DGCR8: variants seen among roughly 807,000 people sequenced by gnomAD.
DGCR8 encodes DGCR8 microprocessor complex subunit, also known as microprocessor complex subunit DGCR8.
A neutral mutation model predicts 78.5 loss-of-function variants in DGCR8; 14 were observed. The ratio of observed to expected loss-of-function variants is 0.18; its 90% CI spans 0.12 to 0.28. The LOEUF (loss-of-function observed/expected upper bound fraction) is 0.28, where lower values mean the gene tolerates loss of function less well. DGCR8 is among the 10% of genes least tolerant of loss of function. The pLI is 1.00. For missense variants in DGCR8, 702 were observed against 1,022.5 expected, an observed-to-expected ratio of 0.69 and a Z score of 4.28; for synonymous variants, 399 against 402.4, an observed-to-expected ratio of 0.99 and a Z score of 0.10.
At chr22:20,103,068 G>A (rs566831784) in intron 9 of DGCR8, among the ~76,000 whole-genome samples, 4 of 152,076 alleles carry the variant, frequency 2.6e-5, no homozygotes, top group African/African-American at 9.6e-5. Flanking sequence ...GGAGGCGGAA[G>A]GTGAGGTGGC....
At chr22:20,107,632 TG>T in intron 12 of DGCR8, 3 of 549,216 alleles carry the variant, frequency 5.5e-6, no homozygotes, top group Non-Finnish European at 9.8e-6. Context: ...GAACGCAGGC[TG>T]GGCCCAGCTA....
intron 7 of DGCR8, 105 bp downstream of exon 7, chr22:20,092,075 G>C: frequency 1.1e-6 from 1 of 887,954 alleles, no homozygotes; most frequent in South Asian, 1.5e-5. Flanking sequence ...TACTGGAACG[G>C]GAGGAAAGGG....
Position 20,107,290 on chromosome 22 carries a change from A to G in DGCR8, c.2016A>G (p.Gly672=). The G allele has an allele frequency of 6.2e-7, 1 of 1,614,136 alleles. No homozygotes were observed. Among genetic ancestry groups the G allele is most frequent in the Non-Finnish European group, 8.5e-7 (1 of 1,180,000 alleles). ...VRGWCKNKRV[G]KQLASQKILQ... ...GTGTAGGTAAGAACAAGAGAGTTGG[A>G]AAGCAGTTAGCCTCACAGAAGATCC... The change falls in exon 12 of 14, where the codon GGA becomes GGG. Residue 672 remains glycine (G), a synonymous_variant. Coordinates refer to ENST00000351989, the MANE Select transcript of DGCR8 (RefSeq NM_022720.7).
At position 20,110,861 on chromosome 22, in the gene DGCR8, T is replaced by C. The variant is rs569220276; in HGVS notation, c.*753T>C. The C allele has an allele frequency of 4.1e-6, 1 of 242,050 alleles. No homozygotes were observed. Among genetic ancestry groups the C allele is most frequent in the African/African-American group, 2.2e-5 (1 of 44,864 alleles). The allele number at this position is 242,050 out of a possible 1,614,324, so 15.0% of individuals were successfully genotyped here. The stretch of plus-strand genomic sequence containing the variant: ...TCCCTAAAAGCGCCTCTTTGGACAC[T>C]GAGGCCCTCTCTGCCTTTCCTGGCC... On this transcript the variant is annotated 3_prime_UTR_variant, in exon 14 of 14. Transcript: ENST00000351989.
chr22:20,090,416 C>CCTTGCAAGAACCTGCTGGGT (rs2049541810), intron 5 of DGCR8, among the ~76,000 whole-genome samples, 158 bp downstream of exon 5: 1 of 152,230 alleles, frequency 6.6e-6, no homozygotes, highest in Non-Finnish European at 1.5e-5. Context: ...GTCTTCCTGT[C>CCTTGCAAGAACCTGCTGGGT]CTTGCAAGAA....
At chr22:20,094,459 G>A (rs1384808679) in intron 8 of DGCR8, among the ~76,000 whole-genome samples, 2 of 152,202 alleles carry the variant, frequency 1.3e-5, no homozygotes, top group African/African-American at 4.8e-5. Context: ...GCTCCTCCCT[G>A]CCTGCTCCCA....
Position 20,085,562 on chromosome 22 carries a change from C to T in DGCR8, c.-277-125C>T. Reference sequence around the variant, plus strand: ...TAGTTTGTTTTGATGCCTAAAAAGTCCTCTTAGGGAATATTATTTTGAAGC... The same window carrying T: ...TAGTTTGTTTTGATGCCTAAAAAGTTCTCTTAGGGAATATTATTTTGAAGC... On this transcript the variant is annotated intron_variant, in intron 1 of 13. Transcript: ENST00000351989. The surrounding 1 kb of genome is among the most constrained non-coding windows in gnomAD (Gnocchi z 6.2). 4.1e-6 allele frequency: 3 copies of T among 724,544 alleles called. No homozygotes were observed. The highest frequency in any genetic ancestry group is 5.7e-6 in the Non-Finnish European group (3 of 525,734). The allele number at this position is 724,544 out of a possible 1,614,324, so 44.9% of individuals were successfully genotyped here.
intron 9 of DGCR8, among the ~76,000 whole-genome samples, chr22:20,100,076 C>CT (rs913576334): frequency 9.3e-5 from 14 of 151,238 alleles, no homozygotes; most frequent in South Asian, 8.4e-4. Context: ...ACATTTGTCC[C>CT]TTTTTTTTTG....
chr22:20,088,362 A>G (rs371250167), intron 3 of DGCR8, among the ~76,000 whole-genome samples: 1 of 152,128 alleles, frequency 6.6e-6, no homozygotes. Flanking sequence ...GTAAACCCAC[A>G]TTCGTCCTGC....
intron 7 of DGCR8, 65 bp from the exon 8 acceptor site, chr22:20,092,744 A>G: frequency 7.1e-7 from 1 of 1,411,278 alleles, no homozygotes; most frequent in Non-Finnish European, 9.9e-7. Context: ...CGGTGTGGGC[A>G]GACTGTGCAC....
chr22:20,100,483 G>C, intron 9 of DGCR8: 1 of 985,370 alleles, frequency 1.0e-6, no homozygotes, highest in African/African-American at 1.7e-5. Flanking sequence ...CTTAGTATGG[G>C]TTGCTGCAGA....
At position 20,090,064 on chromosome 22, in the gene DGCR8, C is replaced by T. The variant is rs1244340402; in HGVS notation, c.1112C>T (p.Thr371Ile). Residue 371 changes from threonine to isoleucine, a missense_variant, in exon 5 of 14, where the codon ACC becomes ATC. By Grantham distance (89) the Thr-to-Ile change is moderately conservative (BLOSUM62 -1). Coordinates refer to ENST00000351989, the MANE Select transcript of DGCR8 (RefSeq NM_022720.7). ...GAACGGGAGCAAAGCAGTGACCTCA[C>T]CCCTAGTGGGGATGTGTCCCCCGTC... ...NEEREQSSDL[T>I]PSGDVSPVKP... The T allele has an allele frequency of 6.2e-7, 1 of 1,614,106 alleles. No individual in the cohort carries two copies. The highest frequency in any genetic ancestry group is 8.5e-7 in the Non-Finnish European group (1 of 1,180,058).
chr22:20,100,406 T>A, intron 9 of DGCR8: 1 of 985,366 alleles, frequency 1.0e-6, no homozygotes, highest in Non-Finnish European at 1.2e-6. Context: ...GTGGGAAATA[T>A]GGCTCCCAGG....
chr22:20,106,301 C>G lies in DGCR8; in HGVS notation c.1889+24C>G, dbSNP rs367909919. The G allele has an allele frequency of 1.3e-5, 20 of 1,583,474 alleles. 1 individual carries two copies. In the South Asian group the frequency reaches 2.2e-4, roughly 18 times the overall value. On this transcript the variant is annotated intron_variant, in intron 10 of 13. Coordinates refer to ENST00000351989, the MANE Select transcript of DGCR8 (RefSeq NM_022720.7). ...AGGTAGGGTAGGGGGGTGCCTCCCCCCATGAGTCAGGTCGGGGGAGCTCCT... is the reference window on the plus strand; with the variant it reads ...AGGTAGGGTAGGGGGGTGCCTCCCCGCATGAGTCAGGTCGGGGGAGCTCCT...
rs1275337012 is a variant in DGCR8 at position 20,108,998 on chromosome 22, G to A, written c.2233G>A (p.Glu745Lys). Residue 745 changes from glutamate (E) to lysine (K), a missense_variant, in exon 13 of 14, where the codon GAA (glutamate) becomes AAA (lysine). Physicochemically the swap from Glu to Lys is moderately conservative, Grantham distance 56 (BLOSUM62 1). Transcript: ENST00000351989. ...LQEEMKRLAEEREETRKKPKM... is the reference protein window; with the variant it reads ...LQEEMKRLAEKREETRKKPKM... ...AGAGGAGATGAAGAGGCTAGCTGAG[G>A]AAAGGGTGAGTGCCACCCTAGCGGG... is the stretch of plus-strand genomic sequence containing the variant. 1.9e-6 allele frequency: 3 copies of A among 1,573,598 alleles called. No individual in the cohort carries two copies. The highest frequency in any genetic ancestry group is 1.4e-5 in the African/African-American group (1 of 74,066).
intron 9 of DGCR8, chr22:20,100,215 C>T (rs931655182): frequency 5.5e-5 from 19 of 344,730 alleles, no homozygotes; most frequent in South Asian, 1.2e-4. Context: ...TACAGGTGCA[C>T]GCCACCACGC....
chr22:20,106,113 G>T, intron 9 of DGCR8, 64 bp from the exon 10 acceptor site: 2 of 1,414,914 alleles, frequency 1.4e-6, no homozygotes, highest in Non-Finnish European at 2.0e-6. Context: ...GCCAACCGCA[G>T]GCCCAGCCAT....
At chr22:20,095,402 G>A (rs1602487398) in intron 9 of DGCR8, among the ~76,000 whole-genome samples, 1 of 152,070 alleles carries the variant, frequency 6.6e-6, no homozygotes, top group Non-Finnish European at 1.5e-5. Context: ...CACTGCGCCC[G>A]GCCCTAGATT....
intron 10 of DGCR8, 41 bp downstream of exon 10, chr22:20,106,318 G>C (rs1337929143): frequency 6.6e-7 from 1 of 1,516,310 alleles, no homozygotes. Flanking sequence ...TCAGGTCGGG[G>C]GAGCTCCTCT....
Sources: gnomAD v4.1 joint callset for allele counts (sites outside exome capture counted in the v4.1 genomes callset) on GRCh38, gnomAD v4.1.1 for gene constraint, Gnocchi (gnomAD v3.1) non-coding constraint, MANE v1.5 for transcripts, NCBI Gene and HGNC (gene_info 2026-07-23, HGNC 2026-07-21) for gene names.